Variants in ITGA8 observed in about 807,000 individuals in gnomAD.
ITGA8 encodes the protein integrin subunit alpha 8.
ITGA8 carries 91 observed loss-of-function variants against 142.3 expected under a neutral mutation model. The ratio of observed to expected loss-of-function variants is 0.64; its 90% CI spans 0.54 to 0.76. The LOEUF is 0.76. Ranked by LOEUF, ITGA8 falls within the 30% of genes least tolerant of loss-of-function variation. The pLI, the probability that ITGA8 is intolerant of heterozygous loss-of-function variation, is 0.00. For missense variants in ITGA8, 1,406 were observed against 1,327.7 expected, an observed-to-expected ratio of 1.06 and a Z score of -0.92; for synonymous variants, 505 against 485.2, an observed-to-expected ratio of 1.04 and a Z score of -0.54.
At chr10:15,627,182 T>G (rs1238976473) in intron 13 of ITGA8, among the ~76,000 whole-genome samples, 1 of 152,198 alleles carries the variant, frequency 6.6e-6, no homozygotes, top group Admixed American at 6.5e-5. Flanking sequence ...CAGGATCCAC[T>G]GAATTGAAGT....
intron 8 of ITGA8, among the ~76,000 whole-genome samples, chr10:15,662,417 C>T (rs138899820): frequency 6.1e-4 from 88 of 143,620 alleles, no homozygotes; most frequent in African/African-American, 2.1e-3. Flanking sequence ...TGGCTCACTG[C>T]AGCCTCAACC....
chr10:15,699,329 G>C (rs1000782862), intron 2 of ITGA8, among the ~76,000 whole-genome samples: 1 of 152,084 alleles, frequency 6.6e-6, no homozygotes, highest in Non-Finnish European at 1.5e-5. Flanking sequence ...TATATTTTCT[G>C]TACTTAGCAG....
rs938131548 is a variant in ITGA8, at chr10:15,671,717, A to C, written c.803-70T>G. The C allele has an allele frequency of 3.3e-6, 4 of 1,195,248 alleles. No individual in the cohort carries two copies. In the African/African-American group the frequency reaches 5.9e-5, roughly 18 times the overall value. 74.0% of individuals were successfully genotyped at this position (1,195,248 alleles called of 1,614,324 possible). ...AACCTAATGAGTTATATCTAGAAAA[A>C]GGTGAAAGGGCTACCATGGTACTGC... On this transcript the variant is annotated intron_variant, in intron 7 of 29. Transcript: ENST00000378076.
intron 25 of ITGA8, 71 bp from the exon 26 acceptor site, chr10:15,558,273 A>C: frequency 6.4e-7 from 1 of 1,560,708 alleles, no homozygotes; most frequent in Middle Eastern, 1.7e-4. Flanking sequence ...TTAGCCTTGA[A>C]CTCTAGGCAA....
At chr10:15,622,779 A>G (rs180886231) in intron 13 of ITGA8, among the ~76,000 whole-genome samples, 3 of 152,350 alleles carry the variant, frequency 2.0e-5, no homozygotes, top group Admixed American at 6.5e-5. Flanking sequence ...AATTAGTATT[A>G]AAACTATAAA....
At chr10:15,607,634 A>G (rs949285481) in intron 17 of ITGA8, 43 bp downstream of exon 17, 9 of 1,578,516 alleles carry the variant, frequency 5.7e-6, no homozygotes, top group Non-Finnish European at 7.0e-6. Flanking sequence ...TGGAATTTGG[A>G]TATGAAGGAG....
intron 26 of ITGA8, among the ~76,000 whole-genome samples, chr10:15,549,792 T>C (rs568065268): frequency 6.6e-6 from 1 of 152,356 alleles, no homozygotes; most frequent in African/African-American, 2.4e-5. Flanking sequence ...CCAAGGAACA[T>C]ATTACGACAA....
At chr10:15,719,247 G>T (rs373129642) in intron 1 of ITGA8, among the ~76,000 whole-genome samples, 1 of 152,226 alleles carries the variant, frequency 6.6e-6, no homozygotes, top group African/African-American at 2.4e-5. Context: ...AACAGACCTC[G>T]CTGTGGTGGC....
At chr10:15,582,926 C>A (rs560682607) in intron 23 of ITGA8, among the ~76,000 whole-genome samples, 10 of 152,336 alleles carry the variant, frequency 6.6e-5, no homozygotes, top group African/African-American at 2.4e-4. Flanking sequence ...TTTGTGAAAA[C>A]AAATGTTCCA....
intron 27 of ITGA8, among the ~76,000 whole-genome samples, chr10:15,541,802 GT>G (rs11318792): frequency 0.072 from 10,501 of 144,898 alleles, 1,143 homozygotes; most frequent in African/African-American, 0.24. Flanking sequence ...AACCTCACAA[GT>G]TTTTTTTTTT....
intron 2 of ITGA8, among the ~76,000 whole-genome samples, chr10:15,716,421 G>C (rs765525932): frequency 6.6e-6 from 1 of 152,154 alleles, no homozygotes; most frequent in African/African-American, 2.4e-5. Context: ...CACAAAAGAG[G>C]ACATTGTCTT....
chr10:15,670,719 A>G (rs1834496114), intron 8 of ITGA8, among the ~76,000 whole-genome samples: 1 of 152,154 alleles, frequency 6.6e-6, no homozygotes, highest in African/African-American at 2.4e-5. Flanking sequence ...TGATTGCATT[A>G]TATTTACTCC....
At chr10:15,629,964 A>G (rs1023891236) in intron 13 of ITGA8, among the ~76,000 whole-genome samples, 5 of 151,956 alleles carry the variant, frequency 3.3e-5, no homozygotes, top group Non-Finnish European at 5.9e-5. Flanking sequence ...ACAAAAAAAC[A>G]AGTTTGGAGA....
Position 15,677,647 on chromosome 10 carries a change from A to C in ITGA8, c.631-10T>G, listed in dbSNP as rs1834656787. ...CAATAAGGTCTCCATTCTACAAAAC[A>C]GAAACAGCAACAGCAACCATAATTG... On this transcript the variant is annotated splice_polypyrimidine_tract_variant and intron_variant, in intron 5 of 29. Coordinates refer to ENST00000378076, the MANE Select transcript of ITGA8 (RefSeq NM_003638.3). 1 of 1,611,690 alleles carries C rather than the reference A, an allele frequency of 6.2e-7. No homozygotes were observed. Among genetic ancestry groups the C allele is most frequent in the Admixed American group, 1.7e-5 (1 of 59,672 alleles).
chr10:15,519,540 G>A (rs1278320251), intron 28 of ITGA8, 128 bp from the exon 29 acceptor site: 1 of 977,272 alleles, frequency 1.0e-6, no homozygotes, highest in African/African-American at 1.6e-5. Context: ...TCATCTAGGG[G>A]ATATTTGAGA....
intron 8 of ITGA8, among the ~76,000 whole-genome samples, chr10:15,663,572 ACT>A (rs1432442316): frequency 3.7e-5 from 5 of 134,252 alleles, no homozygotes; most frequent in African/African-American, 1.1e-4. Flanking sequence ...TTCCAACAAG[ACT>A]CTTTTTTTTT....
At chr10:15,522,613 A>G (rs1833091641) in intron 28 of ITGA8, among the ~76,000 whole-genome samples, 1 of 152,232 alleles carries the variant, frequency 6.6e-6, no homozygotes, top group African/African-American at 2.4e-5. Flanking sequence ...GACACAATAT[A>G]GTTTTAGTCC....
intron 8 of ITGA8, among the ~76,000 whole-genome samples, chr10:15,668,142 G>A (rs1290973783): frequency 6.6e-6 from 1 of 152,138 alleles, no homozygotes; most frequent in Non-Finnish European, 1.5e-5. Flanking sequence ...CATTATTATT[G>A]TGTGGGAGTC....
intron 3 of ITGA8, 114 bp from the exon 4 acceptor site, chr10:15,684,241 C>CT (rs1324789525): frequency 9.2e-7 from 1 of 1,086,898 alleles, no homozygotes; most frequent in East Asian, 2.6e-5. Flanking sequence ...ATTAATTGGC[C>CT]TCTAGCATGC....
Sources: gnomAD v4.1 joint callset for allele counts (sites outside exome capture counted in the v4.1 genomes callset) on GRCh38, gnomAD v4.1.1 for gene constraint, MANE v1.5 for transcripts, NCBI Gene and HGNC (gene_info 2026-07-23, HGNC 2026-07-21) for gene names.